ATP8B4: variants seen among roughly 807,000 people sequenced by gnomAD.
ATP8B4 encodes the protein ATPase phospholipid transporting 8B4 (putative), also known as probable phospholipid-transporting ATPase IM.
In ATP8B4, 133 loss-of-function variants were observed where a neutral mutation model predicts 145.6. The ratio of observed to expected loss-of-function variants is 0.91; its 90% CI spans 0.79 to 1.05. The LOEUF (loss-of-function observed/expected upper bound fraction) is 1.05. Among genes scored for constraint, ATP8B4 ranks in the 50% least tolerant of loss-of-function variants. The pLI is 0.00. For synonymous variants in ATP8B4, 507 were observed against 492.9 expected (o/e 1.03, Z -0.38); for missense variants, 1,458 against 1,425.2 (o/e 1.02, Z -0.37).
intron 5 of ATP8B4, among the ~76,000 whole-genome samples, chr15:50,040,713 T>A (rs1428598247): frequency 6.6e-6 from 1 of 152,178 alleles, no homozygotes; most frequent in Admixed American, 6.5e-5. Context: ...CTACTTCTGC[T>A]CAGGTTTTAC....
In ATP8B4 at chr15:49,934,062, A is replaced by G; in HGVS notation, c.1408T>C (p.Leu470=). The change falls in exon 15 of 28, where the codon TTA becomes CTA. Residue 470 remains leucine (L), a synonymous_variant. Transcript: ENST00000284509. ...GDPKVHEFLR[L]LALCHTVMSE... ...ATTACAGTGTGGCAGAGAGCAAGTAACCTAAGGAATTCATGAACTTTGGGA... is the reference window on the plus strand; with the variant it reads ...ATTACAGTGTGGCAGAGAGCAAGTAGCCTAAGGAATTCATGAACTTTGGGA... 2 of 1,612,690 alleles carry G rather than the reference A, an allele frequency of 1.2e-6. No homozygotes were observed. Among genetic ancestry groups the G allele is most frequent in the Non-Finnish European group, 1.7e-6 (2 of 1,179,140 alleles).
At chr15:50,047,169 T>C (rs1221155121) in intron 4 of ATP8B4, among the ~76,000 whole-genome samples, 182 bp downstream of exon 4, 1 of 152,212 alleles carries the variant, frequency 6.6e-6, no homozygotes, top group African/African-American at 2.4e-5. Flanking sequence ...AATGTACTAC[T>C]TTTTAACCAT....
At chr15:49,933,607 C>T (rs1599243375) in intron 15 of ATP8B4, among the ~76,000 whole-genome samples, 1 of 152,148 alleles carries the variant, frequency 6.6e-6, no homozygotes, top group Admixed American at 6.5e-5. Context: ...TGAAGGTCAT[C>T]TGCATCTATT....
upstream of ATP8B4, among the ~76,000 whole-genome samples, chr15:50,122,068 C>T (rs757402301): frequency 1.2e-4 from 18 of 152,112 alleles, no homozygotes; most frequent in East Asian, 3.8e-4. Flanking sequence ...TAATATACAA[C>T]GGAATAAATA....
At chr15:49,930,292 G>T (rs2041134048) in intron 16 of ATP8B4, among the ~76,000 whole-genome samples, 1 of 151,994 alleles carries the variant, frequency 6.6e-6, no homozygotes, top group African/African-American at 2.4e-5. Context: ...ATTCCTGAGG[G>T]CCTTTATTTT....
intron 20 of ATP8B4, among the ~76,000 whole-genome samples, chr15:49,912,603 T>G (rs1284177169): frequency 6.6e-6 from 1 of 152,110 alleles, no homozygotes; most frequent in Non-Finnish European, 1.5e-5. Context: ...AAAGAAGAAT[T>G]ACTATAAATT....
intron 13 of ATP8B4, among the ~76,000 whole-genome samples, chr15:49,969,595 G>T (rs891913893): frequency 1.3e-5 from 2 of 152,130 alleles, no homozygotes; most frequent in Admixed American, 6.6e-5. Flanking sequence ...TGCCTGAATA[G>T]ACCAATAACA....
At chr15:50,054,662 T>C (rs952696429) in intron 3 of ATP8B4, among the ~76,000 whole-genome samples, 1 of 151,510 alleles carries the variant, frequency 6.6e-6, no homozygotes, top group African/African-American at 2.4e-5. Flanking sequence ...CAGGTGCCTG[T>C]AGTCCCAGCT....
chr15:49,871,508 T>C lies in ATP8B4; in HGVS notation c.3027+4770A>G, dbSNP rs1401735602. 2.0e-5 allele frequency among the ~76,000 whole-genome samples: 3 copies of C among 152,216 alleles called. 1 individual carries two copies. The South Asian group carries it at 6.2e-4, about 31-fold the overall frequency. Reference sequence around the variant, plus strand: ...ATGGCATCATGAGGAGCAAGTATAATGCATGGTATCACTCATGGTGGTGAT... The same window carrying C: ...ATGGCATCATGAGGAGCAAGTATAACGCATGGTATCACTCATGGTGGTGAT... On this transcript the variant is annotated intron_variant, in intron 25 of 27. Transcript: ENST00000284509.
intron 1 of ATP8B4, among the ~76,000 whole-genome samples, chr15:50,156,107 A>T (rs28798426): frequency 0.038 from 955 of 25,012 alleles, 92 homozygotes; most frequent in Middle Eastern, 0.067. Context: ...TATATATATA[A>T]ATATATATAT....
intron 17 of ATP8B4, 82 bp downstream of exon 17, chr15:49,923,297 G>T: frequency 1.1e-6 from 1 of 926,834 alleles, no homozygotes; most frequent in Non-Finnish European, 1.7e-6. Flanking sequence ...AAATCATCTA[G>T]CTGCTATTTT....
chr15:49,947,417 G>A (rs554807658), intron 14 of ATP8B4, among the ~76,000 whole-genome samples: 5 of 127,544 alleles, frequency 3.9e-5, no homozygotes, highest in Admixed American at 1.8e-4. Flanking sequence ...GGCGACTGGC[G>A]ACAGAGTGAG....
At chr15:49,912,871 A>C (rs1599091679) in intron 20 of ATP8B4, among the ~76,000 whole-genome samples, 1 of 152,228 alleles carries the variant, frequency 6.6e-6, no homozygotes, top group South Asian at 2.1e-4. Context: ...TCCTGGGCTC[A>C]AATGATCCTC....
chr15:50,138,587 C>T (rs74015210), intron 1 of ATP8B4, among the ~76,000 whole-genome samples: 8,424 of 152,228 alleles, frequency 0.055, 263 homozygotes, highest in African/African-American at 0.085. Flanking sequence ...GGCATCATCT[C>T]CCACCTGGTG....
At chr15:50,126,415 T>C (rs2057307968) in intron 1 of ATP8B4, among the ~76,000 whole-genome samples, 1 of 152,116 alleles carries the variant, frequency 6.6e-6, no homozygotes, top group Admixed American at 6.5e-5. Context: ...GATGACCTGA[T>C]ATTGTTACTG....
chr15:50,003,273 C>CGTGTGTGTGTGTGT (rs1491248763), intron 7 of ATP8B4, among the ~76,000 whole-genome samples: 3 of 85,886 alleles, frequency 3.5e-5, no homozygotes, highest in African/African-American at 1.4e-4. Context: ...ATAGGGTGTG[C>CGTGTGTGTGTGTGT]ATGTGTGTGT....
chr15:50,132,784 A>G (rs35796860), intron 1 of ATP8B4, among the ~76,000 whole-genome samples: 23,291 of 152,274 alleles, frequency 0.15, 2,138 homozygotes, highest in Non-Finnish European at 0.21. Flanking sequence ...GCAGCCACAA[A>G]AAAGGATGAG....
At chr15:49,935,454 C>T (rs968756859) in intron 14 of ATP8B4, among the ~76,000 whole-genome samples, 13 of 152,038 alleles carry the variant, frequency 8.6e-5, no homozygotes, top group African/African-American at 3.1e-4. Flanking sequence ...TTTCCCTGCC[C>T]CCTTACTAAT....
chr15:49,966,439 G>A (rs1441511549), intron 13 of ATP8B4, among the ~76,000 whole-genome samples: 2 of 152,166 alleles, frequency 1.3e-5, no homozygotes, highest in South Asian at 2.1e-4. Context: ...GTGGTGGGAG[G>A]GGCATCCACC....
Sources: gnomAD v4.1 joint callset for allele counts (sites outside exome capture counted in the v4.1 genomes callset) on GRCh38, gnomAD v4.1.1 for gene constraint, MANE v1.5 for transcripts, NCBI Gene and HGNC (gene_info 2026-07-23, HGNC 2026-07-21) for gene names.